Variants in MAML3 observed in about 807,000 individuals in gnomAD.
MAML3 encodes mastermind like transcriptional coactivator 3.
A neutral mutation model predicts 101.9 loss-of-function variants in MAML3; 27 were observed. That is an observed-to-expected ratio of 0.27 (90% confidence interval 0.20 to 0.37). MAML3 has a LOEUF of 0.37. MAML3 is among the 10% of genes least tolerant of loss of function. The pLI is 1.00. For synonymous variants in MAML3, 501 were observed against 555.9 expected (o/e 0.90, Z 1.39); for missense variants, 1,316 against 1,444.9 (o/e 0.91, Z 1.45).
intron 4 of MAML3, among the ~76,000 whole-genome samples, chr4:139,722,755 G>C (rs76353954): frequency 0.017 from 2,604 of 152,180 alleles, 61 homozygotes; most frequent in African/African-American, 0.059. Flanking sequence ...TGAGAGTATG[G>C]GATAGGTTCT....
At chr4:139,970,967 T>C (rs1273872539) in intron 1 of MAML3, among the ~76,000 whole-genome samples, 4 of 152,054 alleles carry the variant, frequency 2.6e-5, no homozygotes, top group Admixed American at 6.6e-5. Context: ...GATGAGAAAA[T>C]AAAAAATCCA....
chr4:139,917,102 C>T (rs893039028), intron 1 of MAML3, among the ~76,000 whole-genome samples: 1 of 152,100 alleles, frequency 6.6e-6, no homozygotes, highest in African/African-American at 2.4e-5. Flanking sequence ...GAAAGAAGGT[C>T]CAAAGCTTTT....
chr4:139,974,582 G>T (rs983793210), intron 1 of MAML3, among the ~76,000 whole-genome samples: 6 of 152,110 alleles, frequency 3.9e-5, no homozygotes, highest in African/African-American at 1.4e-4. Flanking sequence ...CCTAAACATT[G>T]CTGGGCTTCT....
intron 1 of MAML3, among the ~76,000 whole-genome samples, chr4:140,130,097 A>C (rs1426468991): frequency 6.6e-6 from 1 of 152,262 alleles, no homozygotes; most frequent in Admixed American, 6.5e-5. Flanking sequence ...GAAAGATAAA[A>C]GACGGATAAG....
At position 139,790,239 on chromosome 4, in the gene MAML3, AT is replaced by A. The variant is rs1578602434; in HGVS notation, c.2080-59573del. 5.5e-5 allele frequency among the ~76,000 whole-genome samples: 8 copies of A among 145,216 alleles called. No homozygotes were observed. In the East Asian group the frequency reaches 1.4e-3, roughly 25 times the overall value. On this transcript the variant is annotated intron_variant, in intron 2 of 4. Coordinates refer to ENST00000509479, the MANE Select transcript of MAML3 (RefSeq NM_018717.5). ...GACATATATATATATATATATATAT[AT>A]ATAAATAAATATATAAAATAAAATA...
At chr4:139,917,048 T>C (rs569835185) in intron 1 of MAML3, among the ~76,000 whole-genome samples, 1 of 152,230 alleles carries the variant, frequency 6.6e-6, no homozygotes, top group Non-Finnish European at 1.5e-5. Flanking sequence ...CTGAGAATGC[T>C]AGAAAACTGT....
chr4:139,848,203 C>G (rs1008482353), intron 2 of MAML3, among the ~76,000 whole-genome samples: 2 of 152,130 alleles, frequency 1.3e-5, no homozygotes, highest in Non-Finnish European at 2.9e-5. Context: ...TGCTGCTGCA[C>G]CTAATGATTG....
chr4:139,880,047 C>A (rs544820375), intron 2 of MAML3, among the ~76,000 whole-genome samples: 1 of 152,164 alleles, frequency 6.6e-6, no homozygotes, highest in East Asian at 1.9e-4. Context: ...GCGGCCTGTG[C>A]CTGTAGTCCC....
chr4:139,992,852 G>A (rs555105385), intron 1 of MAML3, among the ~76,000 whole-genome samples: 32 of 152,188 alleles, frequency 2.1e-4, no homozygotes, highest in Non-Finnish European at 4.1e-4. Flanking sequence ...CCACCGCACC[G>A]AGCCTATTTT....
chr4:139,845,832 A>G (rs1731434220), intron 2 of MAML3, among the ~76,000 whole-genome samples: 2 of 152,212 alleles, frequency 1.3e-5, no homozygotes, highest in Non-Finnish European at 2.9e-5. Context: ...CATTTTCAAA[A>G]TGATTTTTAT....
rs753203423 is a variant in MAML3 at position 140,035,343 on chromosome 4, G to A, written c.468+117517C>T. The stretch of plus-strand genomic sequence containing the variant: ...CATGTTCCAAATATGTGAAATCAAC[G>A]GAGTCCTTTCCAAATCAGATATCTG... On this transcript the variant is annotated intron_variant, in intron 1 of 4. Coordinates refer to ENST00000509479, the MANE Select transcript of MAML3 (RefSeq NM_018717.5). Among the ~76,000 whole-genome samples the A allele has an allele frequency of 5.6e-4, 85 of 152,014 alleles. 1 individual carries two copies. Among genetic ancestry groups the A allele is most frequent in the Admixed American group, 9.2e-4 (14 of 15,270 alleles).
intron 1 of MAML3, among the ~76,000 whole-genome samples, chr4:140,110,284 G>A (rs760678193): frequency 2.6e-5 from 4 of 152,226 alleles, no homozygotes; most frequent in Non-Finnish European, 5.9e-5. Flanking sequence ...AGCCCCCTAC[G>A]ACTGCATGCA....
At chr4:139,769,169 A>C (rs927389976) in intron 2 of MAML3, among the ~76,000 whole-genome samples, 4 of 152,218 alleles carry the variant, frequency 2.6e-5, no homozygotes, top group Non-Finnish European at 4.4e-5. Context: ...GGGAAAGAAG[A>C]CTTGGGCTTC....
At chr4:140,014,025 T>C (rs1726605322) in intron 1 of MAML3, among the ~76,000 whole-genome samples, 1 of 152,212 alleles carries the variant, frequency 6.6e-6, no homozygotes, top group Non-Finnish European at 1.5e-5. Context: ...GCAAAGCCAA[T>C]CGCTGCAGGA....
In MAML3 at chr4:139,730,187, C is replaced by G; in HGVS notation, c.2331+229G>C. On this transcript the variant is annotated intron_variant, in intron 3 of 4. Coordinates refer to ENST00000509479, the MANE Select transcript of MAML3 (RefSeq NM_018717.5). ...GAAATGTCTCTGGCACACAGGCCTT[C>G]AAATTGATGGCTGGAGCCTGTCTTT... The G allele has an allele frequency of 3.4e-6, 2 of 583,478 alleles. 1 individual carries two copies. The highest frequency in any genetic ancestry group is 4.1e-5 in the South Asian group (2 of 48,274). 36.1% of individuals were successfully genotyped at this position (583,478 alleles called of 1,614,324 possible). A position where few individuals can be genotyped will look rare whatever the true frequency, so the allele number is the denominator to read the frequency against.
At chr4:139,966,251 A>G (rs1261105117) in intron 1 of MAML3, among the ~76,000 whole-genome samples, 1 of 152,162 alleles carries the variant, frequency 6.6e-6, no homozygotes, top group African/African-American at 2.4e-5. Context: ...CTCTTCGAAA[A>G]TGAATCTTCT....
intron 1 of MAML3, among the ~76,000 whole-genome samples, chr4:140,043,992 A>T (rs1480808966): frequency 1.3e-5 from 2 of 152,230 alleles, no homozygotes; most frequent in Non-Finnish European, 2.9e-5. Context: ...TGCTCCTGAT[A>T]AAAAGGGAAT....
At chr4:139,948,739 T>C (rs1197553229) in intron 1 of MAML3, among the ~76,000 whole-genome samples, 1 of 152,246 alleles carries the variant, frequency 6.6e-6, no homozygotes, top group African/African-American at 2.4e-5. Flanking sequence ...CCATCAGTAA[T>C]TGTTAAAATA....
chr4:139,909,734 G>A (rs536571980), intron 1 of MAML3, among the ~76,000 whole-genome samples: 1 of 150,850 alleles, frequency 6.6e-6, no homozygotes, highest in Non-Finnish European at 1.5e-5. Context: ...CTACTCAGGA[G>A]GCTGAGGCAG....
Sources: allele counts gnomAD v4.1 joint callset (sites outside exome capture counted in the v4.1 genomes callset), GRCh38; gene constraint gnomAD v4.1.1; transcripts MANE v1.5; gene names NCBI Gene and HGNC (gene_info 2026-07-23, HGNC 2026-07-21).